Variants in GIGYF2 observed in about 807,000 individuals in gnomAD.
GIGYF2 encodes GRB10 interacting GYF protein 2, also known as GRB10-interacting GYF protein 2.
In GIGYF2, 25 loss-of-function variants were observed where a neutral mutation model predicts 208.1. The observed-to-expected ratio is 0.12, with a 90% CI of 0.09 to 0.17. The LOEUF is 0.17. Among genes scored for constraint, GIGYF2 ranks in the 10% least tolerant of loss-of-function variants. The pLI, the probability that GIGYF2 is intolerant of heterozygous loss-of-function variation, is 1.00. For synonymous variants in GIGYF2, 534 were observed against 543.8 expected, an observed-to-expected ratio of 0.98 and a Z score of 0.25; for missense variants, 1,302 against 1,579.4, an observed-to-expected ratio of 0.82 and a Z score of 2.98.
chr2:232,835,603 T>C (rs1230538983), intron 22 of GIGYF2, among the ~76,000 whole-genome samples: 1 of 152,196 alleles, frequency 6.6e-6, no homozygotes, highest in Non-Finnish European at 1.5e-5. Flanking sequence ...CCACCCGCCC[T>C]TCCCAGCTTG....
intron 1 of GIGYF2, 114 bp downstream of exon 1, chr2:232,697,506 T>A (rs1301395544): frequency 6.5e-6 from 1 of 153,040 alleles, no homozygotes; most frequent in Non-Finnish European, 1.5e-5. Flanking sequence ...CTGCTCCTCC[T>A]GCCCGAGCTG....
At chr2:232,790,488 C>T (rs746193553) in intron 9 of GIGYF2, among the ~76,000 whole-genome samples, 1 of 152,112 alleles carries the variant, frequency 6.6e-6, no homozygotes, top group African/African-American at 2.4e-5. Flanking sequence ...TGTTGCCTGG[C>T]TCAGTACTTA....
intron 8 of GIGYF2, among the ~76,000 whole-genome samples, chr2:232,782,995 T>C (rs1258913819): frequency 6.6e-6 from 1 of 152,242 alleles, no homozygotes; most frequent in Non-Finnish European, 1.5e-5. Context: ...TAGTGTACTT[T>C]TAAAAAATGT....
At chr2:232,788,754 A>G (rs916371250) in intron 9 of GIGYF2, among the ~76,000 whole-genome samples, 11 of 152,006 alleles carry the variant, frequency 7.2e-5, no homozygotes, top group Non-Finnish European at 1.6e-4. Flanking sequence ...CTAATATTTG[A>G]CTTTCATATC....
intron 1 of GIGYF2, among the ~76,000 whole-genome samples, chr2:232,699,364 A>G (rs936787608): frequency 1.3e-5 from 2 of 152,152 alleles, no homozygotes; most frequent in African/African-American, 4.8e-5. Flanking sequence ...GTGTGTACTT[A>G]CTGTTTGGTA....
chr2:232,779,290 GATTAA>G (rs1345744333), intron 8 of GIGYF2, among the ~76,000 whole-genome samples: 1 of 152,154 alleles, frequency 6.6e-6, no homozygotes, highest in Non-Finnish European at 1.5e-5. Context: ...AAATTATAAT[GATTAA>G]ATTAAACAAG....
intron 21 of GIGYF2, among the ~76,000 whole-genome samples, chr2:232,825,855 GC>G (rs997590970): frequency 1.1e-5 from 1 of 90,686 alleles, no homozygotes; most frequent in Non-Finnish European, 2.3e-5. Context: ...CCCTCCCCCA[GC>G]CCCCCACCCC....
At chr2:232,811,012 G>T (rs1700718087) in intron 16 of GIGYF2, 3 of 466,690 alleles carry the variant, frequency 6.4e-6, no homozygotes, top group South Asian at 2.3e-5. Flanking sequence ...GAATTTTTTT[G>T]CTATCCTCTT....
rs758253348 is a variant in GIGYF2 at position 232,819,863 on chromosome 2, G to T, written c.2407G>T (p.Ala803Ser). The change falls in exon 21 of 29, where the codon GCA becomes TCA. Residue 803 changes from alanine to serine, a missense_variant. This residue lies in a region of GIGYF2 where 701 missense variants were observed against 793.0 expected (regional missense o/e 0.88). Transcript: ENST00000373563. ...ALRRQREQEI[A>S]LRRQREEEER... is the part of the protein sequence containing the mutation. ...GCGTCGCCAGCGGGAGCAAGAAATTGCATTAAGGCGACAGCGAGAAGAGGA... is the reference window on the plus strand; with the variant it reads ...GCGTCGCCAGCGGGAGCAAGAAATTTCATTAAGGCGACAGCGAGAAGAGGA... The T allele has an allele frequency of 6.3e-6, 10 of 1,589,548 alleles. No homozygotes were observed. The Admixed American group carries it at 1.1e-4, about 17-fold the overall frequency.
chr2:232,729,611 T>G, intron 2 of GIGYF2: 1 of 1,248,600 alleles, frequency 8.0e-7, no homozygotes, highest in Non-Finnish European at 1.2e-6. Context: ...TGTTCCAACT[T>G]TATCATCTTC....
intron 4 of GIGYF2, 126 bp downstream of exon 4, chr2:232,747,870 T>G: frequency 1.1e-6 from 1 of 881,960 alleles, no homozygotes; most frequent in Non-Finnish European, 1.8e-6. Context: ...ACCTTAACTG[T>G]TTCCCTGCTT....
intron 21 of GIGYF2, among the ~76,000 whole-genome samples, chr2:232,827,588 T>A (rs79131851): frequency 0.011 from 1,627 of 152,348 alleles, 31 homozygotes; most frequent in African/African-American, 0.037. Flanking sequence ...AGTCCTCATT[T>A]TATTCTGCAT....
chr2:232,781,774 G>T (rs1257166173), intron 8 of GIGYF2, among the ~76,000 whole-genome samples: 1 of 151,994 alleles, frequency 6.6e-6, no homozygotes, highest in Non-Finnish European at 1.5e-5. Flanking sequence ...GCTTCCAATG[G>T]GTCAAATTTA....
intron 18 of GIGYF2, among the ~76,000 whole-genome samples, chr2:232,814,381 T>G (rs894612399): frequency 2.6e-5 from 4 of 151,776 alleles, no homozygotes; most frequent in Non-Finnish European, 4.4e-5. Flanking sequence ...GCCAAGATGG[T>G]GAAACCCCAT....
intron 21 of GIGYF2, among the ~76,000 whole-genome samples, chr2:232,822,323 G>C (rs897758726): frequency 6.6e-6 from 1 of 152,022 alleles, no homozygotes; most frequent in Non-Finnish European, 1.5e-5. Context: ...CGTTATACAG[G>C]TTATGTACAT....
At chr2:232,798,595 T>C (rs1700295875) in intron 14 of GIGYF2, among the ~76,000 whole-genome samples, 2 of 152,214 alleles carry the variant, frequency 1.3e-5, no homozygotes, top group African/African-American at 4.8e-5. Flanking sequence ...ATTTTTCTGT[T>C]TTAACCATTC....
intron 8 of GIGYF2, among the ~76,000 whole-genome samples, chr2:232,778,987 C>T (rs1461701308): frequency 1.3e-5 from 2 of 152,238 alleles, no homozygotes; most frequent in African/African-American, 4.8e-5. Context: ...GAGAAGGCCC[C>T]TCCCTGTGCT....
At chr2:232,771,432 T>G in intron 8 of GIGYF2, 1 of 1,207,468 alleles carries the variant, frequency 8.3e-7, no homozygotes, top group Non-Finnish European at 1.2e-6. Context: ...TTAATGTTTG[T>G]GAATTTGGAG....
intron 8 of GIGYF2, chr2:232,782,794 T>C (rs555579833): frequency 1.3e-5 from 2 of 152,272 alleles, no homozygotes; most frequent in South Asian, 4.1e-4. Flanking sequence ...TTCCATTTTA[T>C]AAAAAAGTTT....
Sources: allele counts gnomAD v4.1 joint callset (sites outside exome capture counted in the v4.1 genomes callset), GRCh38; gene constraint gnomAD v4.1.1; regional missense constraint gnomAD v4.1.1; transcripts MANE v1.5; gene names NCBI Gene and HGNC (gene_info 2026-07-23, HGNC 2026-07-21).